The following GNAS-AS1 variants were observed in gnomAD, a reference collection of about 807,000 sequenced individuals.
GNAS-AS1 encodes GNAS antisense RNA 1 (non-protein coding).
Position 58,840,560 on chromosome 20 carries a change from C to G in GNAS-AS1, n.819+1377G>C. 6.2e-7 allele frequency: 1 copy of G among 1,613,194 alleles called. No homozygotes were observed. Among genetic ancestry groups the G allele is most frequent in the Non-Finnish European group, 8.5e-7 (1 of 1,179,954 alleles). On this transcript the variant is annotated intron_variant and non_coding_transcript_variant, in intron 4 of 4. Transcript: ENST00000424094. This position sits in a 1 kb window ranked among gnomAD's most constrained non-coding sequence, Gnocchi z 6.0. ...CGATCGCGGCCCGGTGGTGCCCAAG[C>G]ACTCCACCTTCGGCCAGTCCCTCAC...
chr20:58,840,597 A>ACGCTCTCAAGTTGCGAAGCCC lies in GNAS-AS1; in HGVS notation n.819+1319_819+1339dup. 1 of 1,610,634 alleles carries ACGCTCTCAAGTTGCGAAGCCC rather than the reference A, an allele frequency of 6.2e-7. No homozygotes were observed. On this transcript the variant is annotated intron_variant and non_coding_transcript_variant, in intron 4 of 4. Coordinates refer to ENST00000424094, the Ensembl canonical transcript of GNAS-AS1. This position sits in a 1 kb window ranked among gnomAD's most constrained non-coding sequence, Gnocchi z 6.0. ...GGCCAGTCCCTCACCCAGCGTCTGCACGCTCTCAAGTTGCGAAGCCCCGAC... is the reference window on the plus strand; with the variant it reads ...GGCCAGTCCCTCACCCAGCGTCTGCACGCTCTCAAGTTGCGAAGCCCCGCTCTCAAGTTGCGAAGCCCCGAC...
rs577524284 is a variant in GNAS-AS1, at chr20:58,842,175, T to TAACG, written n.577_580dup. 259 of 398,640 alleles carry TAACG rather than the reference T, an allele frequency of 6.5e-4. 2 individuals carry two copies. The highest frequency in any genetic ancestry group is 4.7e-3 in the African/African-American group (227 of 48,740). 24.7% of individuals were successfully genotyped at this position (398,640 alleles called of 1,614,324 possible). On this transcript the variant is annotated non_coding_transcript_exon_variant, in exon 4 of 5. Transcript: ENST00000424094. ...CAGCACAAAAACGGCAGCAATCTGG[T>TAACG]AACGCACCTTCGGAAGGGAAGGCGT...
At chr20:58,820,749 G>C (rs764511289) in intron 4 of GNAS-AS1, among the ~76,000 whole-genome samples, 1 of 152,248 alleles carries the variant, frequency 6.6e-6, no homozygotes, top group African/African-American at 2.4e-5. Flanking sequence ...GAGAGAGAGC[G>C]CTTGCGCAGG....
chr20:58,848,326 G>A (rs540518139), intron 2 of GNAS-AS1, among the ~76,000 whole-genome samples: 4 of 152,104 alleles, frequency 2.6e-5, no homozygotes, highest in Non-Finnish European at 1.5e-5. Flanking sequence ...CATGACAGGG[G>A]TCAAGACCCT....
At chr20:58,847,000 C>T (rs2085965364) in intron 2 of GNAS-AS1, among the ~76,000 whole-genome samples, 1 of 152,188 alleles carries the variant, frequency 6.6e-6, no homozygotes, top group Non-Finnish European at 1.5e-5. Flanking sequence ...ATGGCCTCTC[C>T]TCCCCTGAAA....
chr20:58,848,389 T>C (rs1245225925), intron 2 of GNAS-AS1, among the ~76,000 whole-genome samples: 1 of 152,128 alleles, frequency 6.6e-6, no homozygotes, highest in Non-Finnish European at 1.5e-5. Flanking sequence ...GGCACCAGCC[T>C]CTCCTGACTT....
rs187403717 is a variant in GNAS-AS1 at position 58,837,403 on chromosome 20, C to T, written n.819+4534G>A. 3.9e-5 allele frequency among the ~76,000 whole-genome samples: 6 copies of T among 152,278 alleles called. No individual in the cohort carries two copies. The East Asian group carries it at 9.7e-4, about 24-fold the overall frequency. Reference sequence around the variant, plus strand: ...AATATCCACACAGTGACTACAGCCACGCAGGCACCTGTGATAATAAAACCC... The same window carrying T: ...AATATCCACACAGTGACTACAGCCATGCAGGCACCTGTGATAATAAAACCC... On this transcript the variant is annotated intron_variant and non_coding_transcript_variant, in intron 4 of 4. Transcript: ENST00000424094.
chr20:58,824,700 C>T (rs1048123460), intron 4 of GNAS-AS1, among the ~76,000 whole-genome samples: 3 of 152,186 alleles, frequency 2.0e-5, no homozygotes, highest in Non-Finnish European at 4.4e-5. Flanking sequence ...TTGTGGTCTC[C>T]CCTGCCAGAA....
intron 2 of GNAS-AS1, chr20:58,842,546 C>T (rs1233368429): frequency 1.0e-5 from 4 of 398,488 alleles, no homozygotes; most frequent in South Asian, 1.3e-4. Flanking sequence ...GTGGTCTTCC[C>T]TAGTAAATAC....
At chr20:58,827,272 T>C (rs971914887) in intron 4 of GNAS-AS1, among the ~76,000 whole-genome samples, 2 of 152,178 alleles carry the variant, frequency 1.3e-5, no homozygotes, top group Non-Finnish European at 2.9e-5. Flanking sequence ...AACAGCTCCA[T>C]GCCCTCTCTC....
chr20:58,822,803 G>T (rs2085495139), intron 4 of GNAS-AS1, among the ~76,000 whole-genome samples: 1 of 151,992 alleles, frequency 6.6e-6, no homozygotes, highest in South Asian at 2.1e-4. Context: ...CCCCGGAGTG[G>T]AAAGCAGGGT....
At chr20:58,830,928 T>C (rs1254542448) in intron 4 of GNAS-AS1, among the ~76,000 whole-genome samples, 1 of 152,068 alleles carries the variant, frequency 6.6e-6, no homozygotes, top group African/African-American at 2.4e-5. Context: ...AGAAAAGACA[T>C]TAGAGAAAAA....
chr20:58,838,825 G>A (rs1247163831), intron 4 of GNAS-AS1: 1 of 388,988 alleles, frequency 2.6e-6, no homozygotes, highest in Non-Finnish European at 4.5e-6. Flanking sequence ...GCTTAGGTAG[G>A]AGAATCTCTT....
intron 4 of GNAS-AS1, among the ~76,000 whole-genome samples, chr20:58,830,829 C>T (rs1600646656): frequency 6.6e-6 from 1 of 151,832 alleles, no homozygotes; most frequent in African/African-American, 2.4e-5. Context: ...CCAAATCTGG[C>T]TTCTGGTTTC....
chr20:58,824,176 A>G (rs903357175), intron 4 of GNAS-AS1: 3 of 397,904 alleles, frequency 7.5e-6, no homozygotes, highest in Non-Finnish European at 4.4e-6. Context: ...GTGAAACACT[A>G]TGATTTCTGG....
intron 4 of GNAS-AS1, chr20:58,825,984 G>A: frequency 2.5e-6 from 1 of 398,454 alleles, no homozygotes; most frequent in Non-Finnish European, 4.4e-6. Context: ...GTCTCTGAGA[G>A]TGCGCCATTC....
chr20:58,845,565 A>G (rs984811981), intron 2 of GNAS-AS1, among the ~76,000 whole-genome samples: 1 of 152,214 alleles, frequency 6.6e-6, no homozygotes, highest in African/African-American at 2.4e-5. Context: ...GGTTCTGTCA[A>G]ATTAAGTGAT....
chr20:58,844,797 CAAAA>C (rs148823649), intron 2 of GNAS-AS1, among the ~76,000 whole-genome samples: 3 of 139,242 alleles, frequency 2.2e-5, no homozygotes, highest in Non-Finnish European at 4.7e-5. Flanking sequence ...GACTCCATCT[CAAAA>C]AAAAAACAAA....
Position 58,840,253 on chromosome 20 carries a change from C to A in GNAS-AS1, n.819+1684G>T, listed in dbSNP as rs772464689. On this transcript the variant is annotated intron_variant and non_coding_transcript_variant, in intron 4 of 4. Coordinates refer to ENST00000424094, the Ensembl canonical transcript of GNAS-AS1. This position sits in a 1 kb window ranked among gnomAD's most constrained non-coding sequence, Gnocchi z 6.0. The stretch of plus-strand genomic sequence containing the variant: ...TCCTCCGCGCCCTTGCCACCTCCAA[C>A]GCCCGTGCCCAGCAGCGCGCGGCTG... 6.2e-7 allele frequency: 1 copy of A among 1,611,480 alleles called. No homozygotes were observed. The highest frequency in any genetic ancestry group is 1.7e-5 in the Admixed American group (1 of 60,008).
Sources: allele counts gnomAD v4.1 joint callset (sites outside exome capture counted in the v4.1 genomes callset), GRCh38; gene constraint gnomAD v4.1.1; non-coding constraint Gnocchi (gnomAD v3.1); transcripts MANE v1.5; gene names NCBI Gene and HGNC (gene_info 2026-07-23, HGNC 2026-07-21).